PPIL2: variants seen among roughly 807,000 people sequenced by gnomAD.
PPIL2 encodes peptidylprolyl isomerase like 2.
Under a neutral mutation model 75.2 loss-of-function variants are expected in PPIL2, and 50 were observed. The ratio of observed to expected loss-of-function variants is 0.66; its 90% CI spans 0.53 to 0.84. The LOEUF (loss-of-function observed/expected upper bound fraction) is 0.84. Ranked by LOEUF, PPIL2 falls within the 40% of genes least tolerant of loss-of-function variation. The pLI is 0.00. For synonymous variants in PPIL2, 245 were observed against 258.8 expected (o/e 0.95, Z 0.51); for missense variants, 590 against 685.0 (o/e 0.86, Z 1.55).
Position 21,694,762 on chromosome 22 carries a change from T to G in PPIL2, c.1277T>G (p.Ile426Ser), listed in dbSNP as rs766703480. 6.2e-5 allele frequency: 100 copies of G among 1,609,790 alleles called. No individual in the cohort carries two copies. The highest frequency in any genetic ancestry group is 7.0e-5 in the Non-Finnish European group (82 of 1,177,456). The change falls in exon 18 of 20, where the codon ATC (isoleucine) becomes AGC (serine). Residue 426 changes from isoleucine to serine, a missense_variant. Coordinates refer to ENST00000398831, the MANE Select transcript of PPIL2 (RefSeq NM_014337.4). ...AGCCCCCTTTGCTGCTAGGAGGAGATCCGCATTGATGCCACTACAGTGTTC... is the reference window on the plus strand; with the variant it reads ...AGCCCCCTTTGCTGCTAGGAGGAGAGCCGCATTGATGCCACTACAGTGTTC... ...DPKTDRPKEE[I>S]RIDATTVFVD...
chr22:21,669,963 G>A lies in PPIL2; in HGVS notation c.82+1G>A, dbSNP rs774111804. On this transcript the variant is annotated splice_donor_variant, in intron 2 of 19. Coordinates refer to ENST00000398831, the MANE Select transcript of PPIL2 (RefSeq NM_014337.4). LOFTEE classifies it high-confidence loss of function. ...CACTTTTATGGTGGCAAGAAGCCAG[G>A]TAAGGCATGCAGTCTTTCTGTTCCC... The A allele has an allele frequency of 6.2e-7, 1 of 1,613,114 alleles. No homozygotes were observed. Among genetic ancestry groups the A allele is most frequent in the South Asian group, 1.1e-5 (1 of 91,060 alleles).
At chr22:21,694,293 A>G (rs1473627293) in intron 16 of PPIL2, among the ~76,000 whole-genome samples, 1 of 151,586 alleles carries the variant, frequency 6.6e-6, no homozygotes, top group Non-Finnish European at 1.5e-5. Context: ...GCCAAGTGGA[A>G]CTCTGTTTAC....
intron 1 of PPIL2, among the ~76,000 whole-genome samples, chr22:21,667,778 T>A (rs1272249349): frequency 7.1e-6 from 1 of 139,956 alleles, no homozygotes; most frequent in East Asian, 2.1e-4. Context: ...TTTTTTTTTT[T>A]TTTTTTTTTT....
chr22:21,669,991 T>C (rs765791433), intron 2 of PPIL2, 29 bp downstream of exon 2: 44 of 1,595,588 alleles, frequency 2.8e-5, no homozygotes, highest in Non-Finnish European at 3.5e-5. Flanking sequence ...CTGTTCCCCG[T>C]TGGGGGAGTG....
rs73877663 is a variant in PPIL2, at chr22:21,683,037, C to T, written c.478-145C>T. ...CCCTGCCTGGGGCAGACCACCTCCT[C>T]CCTCATGCCCTGCTTGACTCCCCCA... On this transcript the variant is annotated intron_variant, in intron 8 of 19. Coordinates refer to ENST00000398831, the MANE Select transcript of PPIL2 (RefSeq NM_014337.4). The T allele has an allele frequency of 2.5e-3, 1,851 of 740,018 alleles. 27 individuals are homozygous for T. The African/African-American group carries it at 0.028, about 11-fold the overall frequency. 45.8% of individuals were successfully genotyped at this position (740,018 alleles called of 1,614,324 possible).
At chr22:21,666,155 C>T in intron 1 of PPIL2, 24 bp downstream of exon 1, 2 of 1,604,764 alleles carry the variant, frequency 1.2e-6, no homozygotes, top group Non-Finnish European at 1.7e-6. Flanking sequence ...CAGTCGGGAG[C>T]GGCGCTCCAC....
chr22:21,688,686 G>T, intron 14 of PPIL2, 46 bp from the exon 15 acceptor site: 2 of 1,583,566 alleles, frequency 1.3e-6, no homozygotes, highest in Non-Finnish European at 1.7e-6. Context: ...GTTCTGCCTC[G>T]GCTGGGGCCC....
chr22:21,670,437 C>T lies in PPIL2; in HGVS notation c.83-129C>T, dbSNP rs906728716. ...TTTATCTGTTAAAAGGTTTTTAATC[C>T]ACAGCAATTGCTGTACTTAAAAATT... On this transcript the variant is annotated intron_variant, in intron 2 of 19. Coordinates refer to ENST00000398831, the MANE Select transcript of PPIL2 (RefSeq NM_014337.4). 1.1e-5 allele frequency: 16 copies of T among 1,463,380 alleles called. No individual in the cohort carries two copies. The African/African-American group carries it at 2.3e-4, about 21-fold the overall frequency. The allele number at this position is 1,463,380 out of a possible 1,614,324, so 90.6% of individuals were successfully genotyped here. A position where few individuals can be genotyped will look rare whatever the true frequency, so the allele number is the denominator to read the frequency against.
At chr22:21,666,303 C>T (rs2066373794) in intron 1 of PPIL2, among the ~76,000 whole-genome samples, 172 bp downstream of exon 1, 1 of 152,060 alleles carries the variant, frequency 6.6e-6, no homozygotes, top group Non-Finnish European at 1.5e-5. Flanking sequence ...ACCCTCGGGC[C>T]GCCGCGCTCT....
At chr22:21,699,762 G>A (rs978329708), downstream of PPIL2, 2 of 152,696 alleles carry the variant, frequency 1.3e-5, no homozygotes, top group African/African-American at 2.4e-5. Context: ...TACATCCAGG[G>A]TAGAAAATGA....
chr22:21,695,360 G>A (rs1166337628), intron 19 of PPIL2, 34 bp from the exon 20 acceptor site: 1 of 1,570,406 alleles, frequency 6.4e-7, no homozygotes, highest in East Asian at 2.3e-5. Context: ...GCTGAGGGAG[G>A]GTGTGGGCTC....
Position 21,695,473 on chromosome 22 carries a change from G to A in PPIL2, c.1546G>A (p.Asp516Asn), listed in dbSNP as rs35922254. The A allele has an allele frequency of 5.7e-5, 92 of 1,602,004 alleles. No individual in the cohort carries two copies. The highest frequency in any genetic ancestry group is 7.4e-5 in the Non-Finnish European group (87 of 1,174,014). Residue 516 changes from aspartate (D) to asparagine (N), a missense_variant, in exon 20 of 20, where the codon GAC becomes AAC. By Grantham distance (23) the Asp-to-Asn change is conservative. Coordinates refer to ENST00000398831, the MANE Select transcript of PPIL2 (RefSeq NM_014337.4). ...GAAGAAGCCCAGTCGGGGTTTTGGG[G>A]ACTTCAGCTCCTGGTAGCAGCAGGT... Reference protein sequence around the residue: ...SKKKPSRGFGDFSSW With the variant: ...SKKKPSRGFGNFSSW
chr22:21,688,771 T>G lies in PPIL2; in HGVS notation c.1061T>G (p.Phe354Cys). Residue 354 changes from phenylalanine (F) to cysteine (C), a missense_variant, in exon 15 of 20, where the codon TTC (phenylalanine) becomes TGC (cysteine). Phe to Cys is a radical substitution (Grantham distance 205, BLOSUM62 -2). Coordinates refer to ENST00000398831, the MANE Select transcript of PPIL2 (RefSeq NM_014337.4). Reference sequence around the variant, plus strand: ...TGGGGGAAGCCCTTCAAAGACGAGTTCCGGCCCAACCTCTCGCACACGGGC... The same window carrying G: ...TGGGGGAAGCCCTTCAAAGACGAGTGCCGGCCCAACCTCTCGCACACGGGC... ...SYWGKPFKDE[F>C]RPNLSHTGRG... The G allele has an allele frequency of 2.5e-6, 4 of 1,614,160 alleles. No individual in the cohort carries two copies. The highest frequency in any genetic ancestry group is 3.4e-6 in the Non-Finnish European group (4 of 1,180,020).
rs1290872322 is a variant in PPIL2, at chr22:21,696,217, G to A, written c.*727G>A. The A allele has an allele frequency of 8.0e-6, 8 of 1,004,576 alleles. No homozygotes were observed. In the African/African-American group the frequency reaches 1.0e-4, roughly 13 times the overall value. 62.2% of individuals were successfully genotyped at this position (1,004,576 alleles called of 1,614,324 possible). A position where few individuals can be genotyped will look rare whatever the true frequency, so the allele number is the denominator to read the frequency against. On this transcript the variant is annotated 3_prime_UTR_variant, in exon 20 of 20. Transcript: ENST00000398831. Reference sequence around the variant, plus strand: ...AGCATTGAGTTTCCTGCCGTGCCCTGCCTGAGCTCTCAGGGCCCTGCTCAC... The same window carrying A: ...AGCATTGAGTTTCCTGCCGTGCCCTACCTGAGCTCTCAGGGCCCTGCTCAC...
intron 5 of PPIL2, among the ~76,000 whole-genome samples, chr22:21,673,189 C>T (rs1469117779): frequency 6.6e-6 from 1 of 152,162 alleles, no homozygotes. Flanking sequence ...GGAGGGCACT[C>T]TTCTTCCTTG....
chr22:21,680,038 C>T (rs941572582), intron 6 of PPIL2, among the ~76,000 whole-genome samples: 12 of 149,444 alleles, frequency 8.0e-5, no homozygotes, highest in Non-Finnish European at 1.5e-4. Context: ...TGCAGTGAGC[C>T]GAGGAGATCA....
chr22:21,690,157 T>G (rs1032250491), intron 15 of PPIL2, among the ~76,000 whole-genome samples: 1 of 151,768 alleles, frequency 6.6e-6, no homozygotes, highest in Non-Finnish European at 1.5e-5. Flanking sequence ...CTGAGGTAGG[T>G]GGATTGCCTG....
chr22:21,682,224 G>A (rs1028029592), intron 7 of PPIL2, among the ~76,000 whole-genome samples: 1 of 152,190 alleles, frequency 6.6e-6, no homozygotes, highest in Non-Finnish European at 1.5e-5. Flanking sequence ...AGGTTGCTGC[G>A]AGGGTGAACT....
chr22:21,687,111 GC>G, intron 12 of PPIL2, 113 bp downstream of exon 12: 2 of 1,051,236 alleles, frequency 1.9e-6, no homozygotes, highest in Non-Finnish European at 2.9e-6. Flanking sequence ...AGGAAATTCA[GC>G]CTGTCACTAG....
Sources: allele counts gnomAD v4.1 joint callset (sites outside exome capture counted in the v4.1 genomes callset), GRCh38; gene constraint gnomAD v4.1.1; transcripts MANE v1.5; gene names NCBI Gene and HGNC (gene_info 2026-07-23, HGNC 2026-07-21).